Variants in OPN3 observed in about 807,000 individuals in gnomAD.
OPN3 encodes the protein opsin 3, also known as opsin-3.
Under a neutral mutation model 33.8 loss-of-function variants are expected in OPN3, and 29 were observed. That is an observed-to-expected ratio of 0.86 (90% confidence interval 0.64 to 1.17). The LOEUF (loss-of-function observed/expected upper bound fraction) is 1.17. OPN3 is among the 50% of genes most tolerant of loss of function. OPN3 has a pLI of 0.00. For synonymous variants in OPN3, 216 were observed against 216.1 expected (o/e 1.00, Z 0.00); for missense variants, 437 against 514.1 (o/e 0.85, Z 1.45).
At chr1:241,635,304 C>T in intron 1 of OPN3, 1 of 1,613,956 alleles carries the variant, frequency 6.2e-7, no homozygotes, top group South Asian at 1.1e-5. Context: ...GTGTGTTTTG[C>T]AGGCATTTCG....
At chr1:241,615,983 A>G (rs1272898201) in intron 1 of OPN3, 1 of 456,510 alleles carries the variant, frequency 2.2e-6, no homozygotes, top group Non-Finnish European at 4.4e-6. Flanking sequence ...AGTTGGACCA[A>G]TGGCCAAGAG....
chr1:241,604,708 G>A, intron 1 of OPN3, 129 bp from the exon 2 acceptor site: 1 of 793,958 alleles, frequency 1.3e-6, no homozygotes, highest in Non-Finnish European at 2.0e-6. Flanking sequence ...TCAAAGCCAA[G>A]AGTAATAGTG....
At chr1:241,629,396 G>A (rs899085768) in intron 1 of OPN3, 2 of 152,238 alleles carry the variant, frequency 1.3e-5, no homozygotes, top group African/African-American at 4.8e-5. Context: ...CATGAACTAA[G>A]TCAAAGTTGC....
intron 1 of OPN3, among the ~76,000 whole-genome samples, chr1:241,606,210 C>T (rs1663825215): frequency 6.6e-6 from 1 of 152,116 alleles, no homozygotes; most frequent in African/African-American, 2.4e-5. Context: ...ATCTGCTTAT[C>T]GAATGTGAGG....
At chr1:241,625,463 A>G (rs948882028) in intron 1 of OPN3, among the ~76,000 whole-genome samples, 3 of 152,214 alleles carry the variant, frequency 2.0e-5, no homozygotes, top group African/African-American at 7.2e-5. Flanking sequence ...TCTCATTTCT[A>G]TTAATATAAT....
chr1:241,634,265 C>T, intron 1 of OPN3: 1 of 1,613,942 alleles, frequency 6.2e-7, no homozygotes, highest in East Asian at 2.2e-5. Context: ...GTCCTTCATG[C>T]ATGTCATGGT....
rs575197767 is a variant in OPN3 at position 241,603,477 on chromosome 1, T to G, written c.693+783A>C. ...AGTGTAGACAGATGTGTTTTGTTTT[T>G]TTTTTTCCAGCTCCTCCTTGCAGTT... On this transcript the variant is annotated intron_variant, in intron 2 of 3. Coordinates refer to ENST00000366554, the MANE Select transcript of OPN3 (RefSeq NM_014322.3). Among the ~76,000 whole-genome samples, 34 of 152,066 alleles carry G rather than the reference T, an allele frequency of 2.2e-4. No homozygotes were observed. In the South Asian group the frequency reaches 3.7e-3, roughly 17 times the overall value.
intron 2 of OPN3, among the ~76,000 whole-genome samples, chr1:241,601,642 G>T (rs1479344302): frequency 1.3e-5 from 2 of 152,150 alleles, no homozygotes; most frequent in African/African-American, 2.4e-5. Context: ...TGAGGCGGAG[G>T]TTGCAGTGAG....
At chr1:241,617,980 G>A (rs933491661) in intron 1 of OPN3, among the ~76,000 whole-genome samples, 3 of 151,750 alleles carry the variant, frequency 2.0e-5, no homozygotes, top group African/African-American at 4.8e-5. Context: ...ATCCTGATCT[G>A]AGAATGTCAA....
chr1:241,634,136 G>T (rs767840796), intron 1 of OPN3: 6 of 1,613,056 alleles, frequency 3.7e-6, no homozygotes, highest in Non-Finnish European at 5.1e-6. Flanking sequence ...TCTTGGCTTT[G>T]TAAGTTCTTC....
chr1:241,604,686 G>T, intron 1 of OPN3, 107 bp from the exon 2 acceptor site: 1 of 984,392 alleles, frequency 1.0e-6, no homozygotes, highest in Non-Finnish European at 1.5e-6. Context: ...ATCTGAGATC[G>T]ATAGAGTGCT....
rs1382585124 is a variant in OPN3, at chr1:241,593,309, A to G, written c.*1119T>C. 2 of 404,192 alleles carry G rather than the reference A, an allele frequency of 4.9e-6. No homozygotes were observed. The highest frequency in any genetic ancestry group is 1.1e-5 in the Non-Finnish European group (2 of 180,916). 25.0% of individuals were successfully genotyped at this position (404,192 alleles called of 1,614,324 possible). ...TGCAGCAGAACCAGCAATACACTTG[A>G]TTTTTAAAAGCACATTTAGTGAAAT... On this transcript the variant is annotated 3_prime_UTR_variant, in exon 4 of 4. Transcript: ENST00000366554.
chr1:241,640,015 C>T lies in OPN3; in HGVS notation c.240G>A (p.Leu80=), dbSNP rs73139034. 1.9e-6 allele frequency: 3 copies of T among 1,613,332 alleles called. No individual in the cohort carries two copies. The highest frequency in any genetic ancestry group is 2.7e-5 in the African/African-American group (2 of 74,902). ...GCAGGTCGCTGAGGCTGATGTTGAC[C>T]AGGAGGAGGTGAGTGGGAGTGCGGA... The part of the protein sequence containing the change: ...QRLRTPTHLL[L]VNISLSDLLV... Residue 80 remains leucine, a synonymous_variant, in exon 1 of 4, where the codon CTG becomes CTA. Transcript: ENST00000366554.
At position 241,640,313 on chromosome 1, in the gene OPN3, C is replaced by A; in HGVS notation, c.-59G>T. ...GCTCAGCTTGCGGCGGGGCTCGCGGCGCGCTCCGCACTGGGTGGGGTTGGG... is the reference window on the plus strand; with the variant it reads ...GCTCAGCTTGCGGCGGGGCTCGCGGAGCGCTCCGCACTGGGTGGGGTTGGG... On this transcript the variant is annotated 5_prime_UTR_variant, in exon 1 of 4. Coordinates refer to ENST00000366554, the MANE Select transcript of OPN3 (RefSeq NM_014322.3). 9.1e-7 allele frequency: 1 copy of A among 1,098,984 alleles called. No individual in the cohort carries two copies. 68.1% of individuals were successfully genotyped at this position (1,098,984 alleles called of 1,614,324 possible).
intron 1 of OPN3, chr1:241,635,256 C>A: frequency 1.2e-6 from 2 of 1,613,940 alleles, no homozygotes; most frequent in Non-Finnish European, 1.7e-6. Context: ...TCCTCTACAT[C>A]AGTTACTTCT....
At chr1:241,594,858 G>C (rs1413496559) in intron 3 of OPN3, 167 bp from the exon 4 acceptor site, 9 of 669,852 alleles carry the variant, frequency 1.3e-5, no homozygotes, top group Non-Finnish European at 2.2e-5. Flanking sequence ...TCACCCCAGA[G>C]CTTTATGTCT....
intron 2 of OPN3, among the ~76,000 whole-genome samples, chr1:241,603,139 G>C (rs1663720430): frequency 6.6e-6 from 1 of 152,160 alleles, no homozygotes; most frequent in Admixed American, 6.5e-5. Flanking sequence ...GGGCATGGAA[G>C]GGGGTGGGGG....
At chr1:241,617,106 TCAGG>T (rs1271193251) in intron 1 of OPN3, among the ~76,000 whole-genome samples, 1 of 152,180 alleles carries the variant, frequency 6.6e-6, no homozygotes, top group Non-Finnish European at 1.5e-5. Flanking sequence ...TCCAGACATG[TCAGG>T]CAGGAAAGTC....
intron 2 of OPN3, among the ~76,000 whole-genome samples, chr1:241,603,796 A>G (rs1422914501): frequency 2.0e-5 from 3 of 152,190 alleles, no homozygotes; most frequent in African/African-American, 4.8e-5. Flanking sequence ...TTCAAACTGG[A>G]AAGTTCTTGT....
Sources: allele counts gnomAD v4.1 joint callset (sites outside exome capture counted in the v4.1 genomes callset), GRCh38; gene constraint gnomAD v4.1.1; transcripts MANE v1.5; gene names NCBI Gene and HGNC (gene_info 2026-07-23, HGNC 2026-07-21).